Variants in PAGE2B observed in about 807,000 individuals in gnomAD.
The protein encoded by PAGE2B is PAGE family member 2B.
In PAGE2B, 5 loss-of-function variants were observed where a neutral mutation model predicts 7.6. The observed-to-expected ratio is 0.66, with a 90% CI of 0.34 to 1.38. The LOEUF (loss-of-function observed/expected upper bound fraction) is 1.38. Ranked by LOEUF, PAGE2B falls within the 40% of genes most tolerant of loss-of-function variation. The pLI, the probability that PAGE2B is intolerant of heterozygous loss-of-function variation, is 0.04. For synonymous variants in PAGE2B, 29 were observed against 26.7 expected (o/e 1.09, Z -0.27); for missense variants, 70 against 78.4 (o/e 0.89, Z 0.41).
At chrX:55,068,478 T>C in the PAGE2B span, among the ~76,000 whole-genome samples, 1 of 112,072 alleles carries the variant, frequency 8.9e-6, no homozygotes, top group African/African-American at 3.2e-5. Context: ...GCATGATGTC[T>C]CCAGCTTTGT....
the PAGE2B span, among the ~76,000 whole-genome samples, chrX:55,046,076 A>G: frequency 9.0e-6 from 1 of 111,302 alleles, no homozygotes; most frequent in Non-Finnish European, 1.9e-5. Context: ...GGAATAGGTG[A>G]TATTTGAATT....
At chrX:55,076,536 A>G in intron 2 of PAGE2B, 33 bp from the exon 3 acceptor site, 1 of 1,123,803 alleles carries the variant, frequency 8.9e-7, no homozygotes, top group Non-Finnish European at 1.2e-6. Flanking sequence ...TATATTATTG[A>G]CTTTTTATTC....
At chrX:55,029,134 G>GA in the PAGE2B span, among the ~76,000 whole-genome samples, 5 of 111,749 alleles carry the variant, frequency 4.5e-5, no homozygotes, top group Admixed American at 1.9e-4. Flanking sequence ...TTCCCATGTA[G>GA]AAAAAATGAA....
chrX:55,071,959 C>T (rs765081214), upstream of PAGE2B, among the ~76,000 whole-genome samples: 1 of 111,770 alleles, frequency 8.9e-6, no homozygotes, highest in East Asian at 2.8e-4. Context: ...TTCCTGTAAC[C>T]TTTTGTCAAG....
chrX:55,049,888 A>C, the PAGE2B span, among the ~76,000 whole-genome samples: 1 of 111,275 alleles, frequency 9.0e-6, no homozygotes, highest in Non-Finnish European at 1.9e-5. Flanking sequence ...TAGTTCTTTT[A>C]ATTGTGATGT....
intron 2 of PAGE2B, 34 bp downstream of exon 2, chrX:55,076,159 C>T: frequency 8.5e-7 from 1 of 1,177,392 alleles, no homozygotes; most frequent in South Asian, 1.8e-5. Context: ...TTCCTATTAA[C>T]ACAATTTATT....
At chrX:55,030,431 G>T in the PAGE2B span, among the ~76,000 whole-genome samples, 1 of 111,215 alleles carries the variant, frequency 9.0e-6, no homozygotes, top group East Asian at 2.8e-4. Flanking sequence ...CCACCCCTAG[G>T]CTCCCCATGG....
the PAGE2B span, among the ~76,000 whole-genome samples, chrX:55,044,084 CAG>C: frequency 9.2e-6 from 1 of 109,258 alleles, no homozygotes; most frequent in Admixed American, 9.8e-5. Context: ...CTATGGAAAA[CAG>C]TGTGGAGATT....
chrX:55,050,064 T>C, the PAGE2B span, among the ~76,000 whole-genome samples: 33 of 112,653 alleles, frequency 2.9e-4, no homozygotes, highest in Admixed American at 1.1e-3. Flanking sequence ...TTTCGTTATG[T>C]ACCCAGTAGT....
chrX:55,071,680 G>A (rs1226839707), upstream of PAGE2B, among the ~76,000 whole-genome samples: 1 of 111,765 alleles, frequency 8.9e-6, no homozygotes, highest in Non-Finnish European at 1.9e-5. Flanking sequence ...TTACTTTCAC[G>A]TACAGTGATC....
rs1450091919 is a variant in PAGE2B, at chrX:55,076,338, A to ATG, written c.85-217_85-216dup. Among the ~76,000 whole-genome samples, 977 of 104,756 alleles carry ATG rather than the reference A, an allele frequency of 9.3e-3. 15 individuals carry two copies. The highest frequency in any genetic ancestry group is 0.034 in the African/African-American group (937 of 27,256). The allele number at this position is 104,756 out of a possible 115,157, so 91.0% of individuals were successfully genotyped here. ...TCTCTCTCTCTCTCTATATATATAT[A>ATG]TGTGTGTGTGTGTGTATATGTATAT... On this transcript the variant is annotated intron_variant, in intron 2 of 4. Coordinates refer to ENST00000374971, the MANE Select transcript of PAGE2B (RefSeq NM_001015038.3).
chrX:55,038,241 T>A, the PAGE2B span, among the ~76,000 whole-genome samples: 2 of 110,198 alleles, frequency 1.8e-5, no homozygotes, highest in South Asian at 3.9e-4. Flanking sequence ...GTAAAAAAAA[T>A]TTTGCCTTTC....
the PAGE2B span, among the ~76,000 whole-genome samples, chrX:55,052,722 C>T: frequency 2.7e-5 from 3 of 113,042 alleles, no homozygotes; most frequent in Non-Finnish European, 5.6e-5. Context: ...CTTTCTTTGA[C>T]TAGGAATGGG....
At chrX:55,052,761 T>G in the PAGE2B span, among the ~76,000 whole-genome samples, 1 of 112,934 alleles carries the variant, frequency 8.9e-6, no homozygotes, top group Admixed American at 9.3e-5. Flanking sequence ...GCTTCCCGGG[T>G]GAGGCGATGC....
the PAGE2B span, among the ~76,000 whole-genome samples, chrX:55,049,131 C>T: frequency 9.1e-6 from 1 of 110,163 alleles, no homozygotes; most frequent in Non-Finnish European, 1.9e-5. Context: ...TATGTTGAAC[C>T]AGCCTTGCAT....
At chrX:55,066,039 G>C in the PAGE2B span, among the ~76,000 whole-genome samples, 1 of 111,968 alleles carries the variant, frequency 8.9e-6, no homozygotes, top group Non-Finnish European at 1.9e-5. Context: ...CTTATTACCA[G>C]TGAGTTTTGT....
the PAGE2B span, among the ~76,000 whole-genome samples, chrX:55,056,816 G>A: frequency 2.7e-5 from 3 of 111,073 alleles, no homozygotes; most frequent in Non-Finnish European, 5.7e-5. Context: ...TTTCAATAGG[G>A]TAGAGGCAGG....
chrX:55,037,046 C>T, the PAGE2B span, among the ~76,000 whole-genome samples: 3,324 of 111,381 alleles, frequency 0.03, 107 homozygotes, highest in African/African-American at 0.093. Flanking sequence ...CCAAAACAGA[C>T]AAATGGGATC....
chrX:55,053,881 A>T, the PAGE2B span, among the ~76,000 whole-genome samples: 1 of 112,523 alleles, frequency 8.9e-6, no homozygotes, highest in Non-Finnish European at 1.9e-5. Flanking sequence ...AATTGACTAA[A>T]TGGGTTCTCA....
Sources: gnomAD v4.1 joint callset for allele counts (sites outside exome capture counted in the v4.1 genomes callset) on GRCh38, gnomAD v4.1.1 for gene constraint, MANE v1.5 for transcripts, NCBI Gene and HGNC (gene_info 2026-07-23, HGNC 2026-07-21) for gene names.